The following PTK2 variants were observed in gnomAD, a reference collection of about 807,000 sequenced individuals.
PTK2 encodes focal adhesion kinase 1.
A neutral mutation model predicts 150.1 loss-of-function variants in PTK2; 45 were observed. The ratio of observed to expected loss-of-function variants is 0.30; its 90% confidence interval spans 0.24 to 0.38. The LOEUF (loss-of-function observed/expected upper bound fraction) is 0.38, where lower values mean the gene tolerates loss of function less well. PTK2 is among the 10% of genes least tolerant of loss of function. The pLI, the probability that PTK2 is intolerant of heterozygous loss-of-function variation, is 1.00. For synonymous variants in PTK2, 432 were observed against 449.2 expected (o/e 0.96, Z 0.48); for missense variants, 919 against 1,307.3 (o/e 0.70, Z 4.58).
intron 22 of PTK2, among the ~76,000 whole-genome samples, chr8:140,731,318 C>T (rs1035687784): frequency 6.6e-6 from 1 of 152,014 alleles, no homozygotes; most frequent in African/African-American, 2.4e-5. Flanking sequence ...AGTCATAAAG[C>T]ACAAAAATGC....
intron 3 of PTK2, among the ~76,000 whole-genome samples, chr8:140,890,042 T>C (rs1233610887): frequency 6.6e-6 from 1 of 152,224 alleles, no homozygotes; most frequent in African/African-American, 2.4e-5. Context: ...TCTCTCCCTC[T>C]ACAGGCTCTA....
At chr8:140,690,470 T>TA (rs2100022508) in intron 26 of PTK2, among the ~76,000 whole-genome samples, 1 of 152,160 alleles carries the variant, frequency 6.6e-6, no homozygotes, top group Admixed American at 6.5e-5. Flanking sequence ...AGGCCCAACT[T>TA]ACGATGTGGT....
intron 1 of PTK2, among the ~76,000 whole-genome samples, chr8:140,944,963 A>T (rs1479716383): frequency 1.3e-5 from 2 of 152,196 alleles, no homozygotes; most frequent in Non-Finnish European, 2.9e-5. Context: ...GCTACGCCAT[A>T]TAGACGAAAG....
intron 5 of PTK2, among the ~76,000 whole-genome samples, chr8:140,855,684 T>C (rs981757432): frequency 2.0e-5 from 3 of 151,920 alleles, no homozygotes; most frequent in Non-Finnish European, 2.9e-5. Context: ...AAACATAACA[T>C]GACAAAGGAC....
At chr8:140,780,739 G>A (rs1262944903) in intron 14 of PTK2, among the ~76,000 whole-genome samples, 1 of 152,172 alleles carries the variant, frequency 6.6e-6, no homozygotes, top group East Asian at 1.9e-4. Context: ...AGCTGATAAT[G>A]TTTTGTAAAA....
intron 1 of PTK2, among the ~76,000 whole-genome samples, chr8:140,990,983 G>A (rs1393912582): frequency 2.0e-5 from 3 of 152,106 alleles, no homozygotes; most frequent in Admixed American, 1.3e-4. Flanking sequence ...GGGACTCAAA[G>A]ATACCTAACA....
chr8:140,975,959 A>G (rs1174197349), intron 1 of PTK2, among the ~76,000 whole-genome samples: 4 of 150,848 alleles, frequency 2.7e-5, no homozygotes, highest in African/African-American at 9.7e-5. Context: ...TTAAATGGAA[A>G]GGACCTGTGC....
chr8:140,806,152 A>C (rs559955930), intron 10 of PTK2, among the ~76,000 whole-genome samples: 17 of 152,320 alleles, frequency 1.1e-4, no homozygotes, highest in Middle Eastern at 3.4e-3. Flanking sequence ...ATGTCACTGA[A>C]AAATCTGACT....
At chr8:140,686,560 T>A in intron 27 of PTK2, 72 bp downstream of exon 30, 1 of 1,159,006 alleles carries the variant, frequency 8.6e-7, no homozygotes, top group Non-Finnish European at 1.3e-6. Flanking sequence ...CTTGGATATA[T>A]TGTGACATAA....
rs928548843 is a variant in PTK2, at chr8:140,810,642, T to C, written c.868-6992A>G. ...GCTGGCACCTGTGTACGCAGGCAGG[T>C]ATTGCCTTCCGTGCCTCACCAGTGC... On this transcript the variant is annotated intron_variant, in intron 10 of 31. Coordinates refer to ENST00000522684, the Ensembl canonical transcript of PTK2. 3.5e-4 allele frequency among the ~76,000 whole-genome samples: 53 copies of C among 152,082 alleles called. 1 individual carries two copies. The highest frequency in any genetic ancestry group is 4.4e-5 in the Non-Finnish European group (3 of 68,014).
intron 7 of PTK2, among the ~76,000 whole-genome samples, chr8:140,831,624 G>C (rs1029016962): frequency 2.0e-5 from 3 of 152,130 alleles, no homozygotes; most frequent in Non-Finnish European, 4.4e-5. Context: ...ACTGGTCTCA[G>C]TTCTCATTCT....
intron 1 of PTK2, among the ~76,000 whole-genome samples, chr8:140,989,530 T>TAA (rs528030872): frequency 3.6e-5 from 5 of 140,644 alleles, no homozygotes; most frequent in Non-Finnish European, 7.8e-5. Context: ...TTAATGAATT[T>TAA]AAAAAAAAAA....
rs77607240 is a variant in PTK2 at position 140,861,841 on chromosome 8, T to C, written c.450+2471A>G. Among the ~76,000 whole-genome samples the C allele has an allele frequency of 9.8e-5, 15 of 152,354 alleles. No individual in the cohort carries two copies. In the East Asian group the frequency reaches 2.7e-3, roughly 27 times the overall value. On this transcript the variant is annotated intron_variant, in intron 5 of 31. Transcript: ENST00000522684. ...GCGAAATTTCATTAACACTTAACTA[T>C]ACTTAGTGAATGCCTTGATCAGAAT... is the stretch of plus-strand genomic sequence containing the variant.
chr8:140,945,487 G>C (rs2100177377), intron 1 of PTK2, among the ~76,000 whole-genome samples: 1 of 152,072 alleles, frequency 6.6e-6, no homozygotes, highest in Non-Finnish European at 1.5e-5. Context: ...TTGGGAGGTT[G>C]AGGCAGGAGG....
At chr8:140,662,949 G>A in intron 31 of PTK2, 1 of 420,070 alleles carries the variant, frequency 2.4e-6, no homozygotes, top group Non-Finnish European at 4.2e-6. Flanking sequence ...TGTTTCAGAT[G>A]AAAGGAGGCT....
chr8:140,790,020 A>G (rs922181736), intron 13 of PTK2, among the ~76,000 whole-genome samples: 1 of 152,236 alleles, frequency 6.6e-6, no homozygotes, highest in Non-Finnish European at 1.5e-5. Context: ...TACTTAAAAA[A>G]GTAATCTCAA....
At chr8:140,835,250 T>A (rs559621916) in intron 7 of PTK2, among the ~76,000 whole-genome samples, 74 of 152,346 alleles carry the variant, frequency 4.9e-4, no homozygotes, top group African/African-American at 1.6e-3. Context: ...CTAAGCTTAT[T>A]ATAAGCACAT....
chr8:140,951,233 T>C (rs1343932116), intron 1 of PTK2, among the ~76,000 whole-genome samples: 2 of 152,118 alleles, frequency 1.3e-5, no homozygotes, highest in Non-Finnish European at 2.9e-5. Context: ...CTAAAATACT[T>C]CCTTCCCAAA....
chr8:140,758,330 C>G (rs1382117718), intron 16 of PTK2, among the ~76,000 whole-genome samples: 2 of 152,210 alleles, frequency 1.3e-5, no homozygotes, highest in South Asian at 4.1e-4. Context: ...TTCGAGTGAT[C>G]TTCCTGCCTC....
Sources: gnomAD v4.1 joint callset for allele counts (sites outside exome capture counted in the v4.1 genomes callset) on GRCh38, gnomAD v4.1.1 for gene constraint, MANE v1.5 for transcripts, NCBI Gene and HGNC (gene_info 2026-07-23, HGNC 2026-07-21) for gene names.